The following ADAMTSL1 variants were observed in gnomAD, a reference collection of about 807,000 sequenced individuals.
ADAMTSL1 encodes ADAMTS like 1.
A neutral mutation model predicts 201.8 loss-of-function variants in ADAMTSL1; 126 were observed. That is an observed-to-expected ratio of 0.62 (90% CI 0.54 to 0.72). The LOEUF is 0.72. Among genes scored for constraint, ADAMTSL1 ranks in the 30% least tolerant of loss-of-function variants. ADAMTSL1 has a pLI of 0.00. For missense variants in ADAMTSL1, 2,679 were observed against 2,277.8 expected, an observed-to-expected ratio of 1.18 and a Z score of -3.59; for synonymous variants, 1,121 against 903.4, an observed-to-expected ratio of 1.24 and a Z score of -4.32.
intron 7 of ADAMTSL1, among the ~76,000 whole-genome samples, chr9:18,649,420 G>A (rs10963704): frequency 0.39 from 59,340 of 151,292 alleles, 11,889 homozygotes; most frequent in East Asian, 0.65. Flanking sequence ...GCTTTGTTCC[G>A]TTGCTGGTGA....
intron 1 of ADAMTSL1, among the ~76,000 whole-genome samples, chr9:17,956,678 A>G (rs1238793069): frequency 5.3e-5 from 8 of 152,100 alleles, no homozygotes; most frequent in Non-Finnish European, 1.0e-4. Flanking sequence ...GCCACATTTT[A>G]TTGATCATGC....
chr9:18,290,779 G>T (rs969760185), intron 2 of ADAMTSL1, among the ~76,000 whole-genome samples: 7,570 of 60,170 alleles, frequency 0.13, 320 homozygotes, highest in Non-Finnish European at 0.14. Flanking sequence ...CTTTTTTTGT[G>T]TGTTTTTTTT....
At chr9:18,056,605 A>G (rs1317893203) in intron 1 of ADAMTSL1, among the ~76,000 whole-genome samples, 1 of 152,202 alleles carries the variant, frequency 6.6e-6, no homozygotes, top group Non-Finnish European at 1.5e-5. Context: ...AGAAGAGGCA[A>G]TAAAAAGAGA....
chr9:18,544,150 T>C (rs995995817), intron 3 of ADAMTSL1, among the ~76,000 whole-genome samples: 2 of 152,198 alleles, frequency 1.3e-5, no homozygotes, highest in South Asian at 2.1e-4. Flanking sequence ...TGCTCAGTTA[T>C]AGTATTCCTT....
intron 2 of ADAMTSL1, among the ~76,000 whole-genome samples, chr9:18,201,171 G>A (rs1233089415): frequency 1.3e-5 from 2 of 152,068 alleles, no homozygotes; most frequent in Non-Finnish European, 2.9e-5. Context: ...GAGTTTGAGG[G>A]AAGAAATTGA....
chr9:18,063,391 G>A (rs566219784), intron 1 of ADAMTSL1, among the ~76,000 whole-genome samples: 13 of 152,300 alleles, frequency 8.5e-5, no homozygotes, highest in African/African-American at 2.6e-4. Flanking sequence ...CTTCTATTTT[G>A]TAACAGTTAA....
At chr9:18,475,657 T>C (rs1201264352) in intron 1 of ADAMTSL1, among the ~76,000 whole-genome samples, 1 of 152,198 alleles carries the variant, frequency 6.6e-6, no homozygotes, top group East Asian at 1.9e-4. Context: ...TTATGACTTG[T>C]GGAGCAAGCG....
Position 18,468,184 on chromosome 9 carries a change from C to T in ADAMTSL1, c.208-36645C>T, listed in dbSNP as rs547720252. 6.0e-4 allele frequency among the ~76,000 whole-genome samples: 92 copies of T among 152,208 alleles called. 1 individual carries two copies. Among genetic ancestry groups the T allele is most frequent in the Admixed American group, 8.5e-4 (13 of 15,290 alleles). ...CAGTAAGTGTTTGTTGAATCTAATTCAATAACAAACCTCTGAGATCTGTGC... is the reference window on the plus strand; with the variant it reads ...CAGTAAGTGTTTGTTGAATCTAATTTAATAACAAACCTCTGAGATCTGTGC... On this transcript the variant is annotated intron_variant, in intron 2 of 29. Coordinates refer to the ADAMTSL1 transcript ENST00000680146.
intron 2 of ADAMTSL1, among the ~76,000 whole-genome samples, chr9:18,439,563 C>T (rs555315145): frequency 6.6e-6 from 1 of 152,308 alleles, no homozygotes; most frequent in East Asian, 1.9e-4. Flanking sequence ...GACGGGATTT[C>T]ACCATGTTCG....
At chr9:18,178,043 C>G (rs373096992) in intron 2 of ADAMTSL1, among the ~76,000 whole-genome samples, 20 of 152,174 alleles carry the variant, frequency 1.3e-4, no homozygotes, top group East Asian at 1.2e-3. Context: ...CGAATAGGAA[C>G]AGCTCCAGTC....
rs140489350 is a variant in ADAMTSL1 at position 18,343,850 on chromosome 9, T to C, written c.208-160979T>C. ...CCTTGATTCTACAGCAGGTACTCCA[T>C]GCTCAACCTATTATCAAAACAGCTT... On this transcript the variant is annotated intron_variant, in intron 2 of 29. Transcript: ENST00000680146. Among the ~76,000 whole-genome samples, 3 of 152,228 alleles carry C rather than the reference T, an allele frequency of 2.0e-5. No individual in the cohort carries two copies. In the East Asian group the frequency reaches 5.8e-4, roughly 30 times the overall value.
intron 1 of ADAMTSL1, among the ~76,000 whole-genome samples, chr9:18,107,856 A>C (rs1175606280): frequency 6.6e-6 from 1 of 152,168 alleles, no homozygotes; most frequent in African/African-American, 2.4e-5. Context: ...TTAAATGCTG[A>C]GCCAGAAGTC....
At chr9:18,710,176 G>T (rs1225617184) in intron 14 of ADAMTSL1, among the ~76,000 whole-genome samples, 1 of 152,160 alleles carries the variant, frequency 6.6e-6, no homozygotes, top group Admixed American at 6.5e-5. Context: ...CCAGGTTCAT[G>T]CTCCCCAGGC....
intron 1 of ADAMTSL1, among the ~76,000 whole-genome samples, chr9:18,045,844 C>T (rs1330620968): frequency 1.3e-5 from 2 of 151,912 alleles, no homozygotes; most frequent in East Asian, 3.9e-4. Flanking sequence ...AACAAAGTTC[C>T]AATATATTAA....
intron 23 of ADAMTSL1, among the ~76,000 whole-genome samples, chr9:18,872,534 T>A (rs1827928245): frequency 6.6e-6 from 1 of 152,172 alleles, no homozygotes; most frequent in Non-Finnish European, 1.5e-5. Context: ...ATCATTCTTA[T>A]GACTTTGCAT....
chr9:18,671,775 G>C (rs528349657), intron 9 of ADAMTSL1, among the ~76,000 whole-genome samples: 180 of 152,260 alleles, frequency 1.2e-3, no homozygotes, highest in Non-Finnish European at 2.1e-3. Context: ...AACCGGCCGG[G>C]TGTGGTGGCT....
chr9:18,418,205 A>G (rs1414569946), intron 2 of ADAMTSL1, among the ~76,000 whole-genome samples: 2 of 152,202 alleles, frequency 1.3e-5, no homozygotes, highest in African/African-American at 4.8e-5. Flanking sequence ...TAACTGATAA[A>G]GAGTATCTGC....
rs76980396 is a variant in ADAMTSL1 at position 17,958,080 on chromosome 9, T to G, written c.87+51158T>G. Among the ~76,000 whole-genome samples the G allele has an allele frequency of 4.4e-3, 676 of 152,310 alleles. 7 individuals are homozygous for G. Among genetic ancestry groups the G allele is most frequent in the African/African-American group, 0.015 (629 of 41,584 alleles). ...TGTCTTACTTTTCTCCACATGCTTT[T>G]CCTTCTAGTCCTCTTTGTAAATGTC... On this transcript the variant is annotated intron_variant, in intron 1 of 29. Coordinates refer to the ADAMTSL1 transcript ENST00000680146.
At chr9:18,641,563 T>C (rs970088585) in intron 7 of ADAMTSL1, among the ~76,000 whole-genome samples, 5 of 152,066 alleles carry the variant, frequency 3.3e-5, no homozygotes, top group African/African-American at 1.2e-4. Flanking sequence ...AGAGTATATA[T>C]CTTTTTCTTC....
Sources: allele counts gnomAD v4.1 joint callset (sites outside exome capture counted in the v4.1 genomes callset), GRCh38; gene constraint gnomAD v4.1.1; transcripts MANE v1.5; gene names NCBI Gene and HGNC (gene_info 2026-07-23, HGNC 2026-07-21).